TMEM87A: variants seen among roughly 807,000 people sequenced by gnomAD.
TMEM87A encodes the protein Golgi-pH regulating cation channel.
A neutral mutation model predicts 90.0 loss-of-function variants in TMEM87A; 50 were observed. The ratio of observed to expected loss-of-function variants is 0.56; its 90% CI spans 0.44 to 0.70. The LOEUF is 0.70. TMEM87A is among the 30% of genes least tolerant of loss of function. The pLI, the probability that TMEM87A is intolerant of heterozygous loss-of-function variation, is 0.00. For missense variants in TMEM87A, 577 were observed against 660.5 expected (o/e 0.87, Z 1.39); for synonymous variants, 226 against 226.7 (o/e 1.00, Z 0.03).
intron 7 of TMEM87A, among the ~76,000 whole-genome samples, chr15:42,240,273 G>T (rs1005284795): frequency 6.6e-6 from 1 of 151,858 alleles, no homozygotes; most frequent in South Asian, 2.1e-4. Flanking sequence ...TCGGAATGAA[G>T]GCATTGGAAA....
At chr15:42,236,246 T>C (rs78796885) in intron 10 of TMEM87A, 74 bp downstream of exon 10, 13,050 of 1,224,062 alleles carry the variant, frequency 0.011, 123 homozygotes, top group Non-Finnish European at 0.015. Context: ...AACTACTACA[T>C]TGGGAACATG....
chr15:42,219,408 T>C (rs1017995954), intron 17 of TMEM87A, among the ~76,000 whole-genome samples, 173 bp downstream of exon 17: 1 of 152,174 alleles, frequency 6.6e-6, no homozygotes, highest in East Asian at 1.9e-4. Flanking sequence ...TAGTTTGATG[T>C]ACTCTCACTT....
intron 15 of TMEM87A, among the ~76,000 whole-genome samples, chr15:42,225,063 T>A (rs1446535762): frequency 1.3e-5 from 2 of 152,240 alleles, no homozygotes; most frequent in Non-Finnish European, 2.9e-5. Context: ...ATTTCAGATC[T>A]CCTTTATTTT....
At chr15:42,234,143 G>A (rs2050734213) in intron 10 of TMEM87A, among the ~76,000 whole-genome samples, 2 of 151,992 alleles carry the variant, frequency 1.3e-5, no homozygotes, top group Non-Finnish European at 2.9e-5. Flanking sequence ...AAATTCTAAC[G>A]ATTCCTTAAT....
At chr15:42,222,531 A>C (rs977280196) in intron 15 of TMEM87A, among the ~76,000 whole-genome samples, 2 of 151,924 alleles carry the variant, frequency 1.3e-5, no homozygotes, top group African/African-American at 4.8e-5. Context: ...AGAATCAAGT[A>C]ATTCTTGGTG....
intron 14 of TMEM87A, among the ~76,000 whole-genome samples, chr15:42,227,371 A>C (rs2050613556): frequency 1.3e-5 from 2 of 152,200 alleles, no homozygotes; most frequent in Non-Finnish European, 2.9e-5. Context: ...TATTCAGATT[A>C]GTATTATTTA....
upstream of TMEM87A, chr15:42,273,572 C>T (rs966755067): frequency 7.1e-5 from 83 of 1,174,458 alleles, no homozygotes; most frequent in Admixed American, 9.4e-4. Context: ...CGCCGTGAGA[C>T]TTTGGACCTA....
intron 3 of TMEM87A, among the ~76,000 whole-genome samples, chr15:42,266,269 A>C (rs1205433104): frequency 6.6e-6 from 1 of 152,208 alleles, no homozygotes; most frequent in Non-Finnish European, 1.5e-5. Context: ...TAATCCCAGC[A>C]CTTTGGGAGA....
chr15:42,250,221 A>G (rs990363897), intron 6 of TMEM87A, among the ~76,000 whole-genome samples: 9 of 152,136 alleles, frequency 5.9e-5, no homozygotes, highest in African/African-American at 1.7e-4. Flanking sequence ...TCTTTATCCA[A>G]TTTGCCAGTC....
At chr15:42,271,867 AAAC>A (rs2051535582) in intron 2 of TMEM87A, among the ~76,000 whole-genome samples, 193 bp downstream of exon 2, 1 of 151,596 alleles carries the variant, frequency 6.6e-6, no homozygotes, top group South Asian at 2.1e-4. Flanking sequence ...AACACCAGAA[AAAC>A]AAGAGAAGAA....
At position 42,233,043 on chromosome 15, in the gene TMEM87A, T is replaced by C. The variant is rs1045187036; in HGVS notation, c.1062+170A>G. On this transcript the variant is annotated intron_variant, in intron 11 of 19. Coordinates refer to ENST00000389834, the MANE Select transcript of TMEM87A (RefSeq NM_015497.5). ...CGGGCACACACTAAATTTACAAAGC[T>C]CTAATAGATTTAAAAGAGAACATGA... is the stretch of plus-strand genomic sequence containing the variant. 11 of 447,512 alleles carry C rather than the reference T, an allele frequency of 2.5e-5. No individual in the cohort carries two copies. In the Admixed American group the frequency reaches 3.6e-4, roughly 15 times the overall value. The allele number at this position is 447,512 out of a possible 1,614,324, so 27.7% of individuals were successfully genotyped here.
At chr15:42,268,833 A>G (rs6493028) in intron 2 of TMEM87A, among the ~76,000 whole-genome samples, 143,109 of 152,100 alleles carry the variant, frequency 0.94, 67,877 homozygotes, top group Non-Finnish European at 1. Flanking sequence ...GCATGTCACA[A>G]GGCAATATTA....
chr15:42,234,407 G>A (rs1458818603), intron 10 of TMEM87A, among the ~76,000 whole-genome samples: 1 of 152,042 alleles, frequency 6.6e-6, no homozygotes, highest in Non-Finnish European at 1.5e-5. Context: ...TATATTTTTT[G>A]TTATACATTG....
In TMEM87A at chr15:42,233,305, G is replaced by A. The variant is rs754394938; in HGVS notation, c.970C>T (p.Pro324Ser). ...TTATGAAGAGTGACTCCAAGGCGTG[G>A]CCTAAAGAGGAAGCAAGGAGATATT... The part of the protein sequence containing the change: ...IVSLGYGIVK[P>S]RLGVTLHKVV... The change falls in exon 11 of 20, where the codon CCA becomes TCA. Residue 324 changes from proline to serine, a missense_variant and splice_region_variant. Transcript: ENST00000389834. The A allele has an allele frequency of 1.2e-6, 2 of 1,612,758 alleles. No individual in the cohort carries two copies. Among genetic ancestry groups the A allele is most frequent in the Admixed American group, 3.3e-5 (2 of 59,842 alleles).
chr15:42,264,699 A>ATATTTTTTTTTT (rs10681614), intron 3 of TMEM87A, among the ~76,000 whole-genome samples: 13 of 109,424 alleles, frequency 1.2e-4, no homozygotes, highest in Admixed American at 2.0e-4. Context: ...ATATATATAT[A>ATATTTTTTTTTT]TTTTTTTTTT....
At chr15:42,257,288 C>T (rs897767123) in intron 6 of TMEM87A, among the ~76,000 whole-genome samples, 3 of 151,810 alleles carry the variant, frequency 2.0e-5, no homozygotes, top group Non-Finnish European at 4.4e-5. Context: ...ATGAGTTATC[C>T]CTCTATTGGT....
At chr15:42,215,587 G>A (rs953041209) in intron 19 of TMEM87A, among the ~76,000 whole-genome samples, 8 of 152,094 alleles carry the variant, frequency 5.3e-5, no homozygotes, top group African/African-American at 1.9e-4. Flanking sequence ...GCCAGGGACT[G>A]GAAGAGACAT....
intron 18 of TMEM87A, 97 bp downstream of exon 18, chr15:42,218,226 C>T: frequency 8.5e-7 from 1 of 1,177,956 alleles, no homozygotes; most frequent in East Asian, 2.5e-5. Context: ...TTTTCAGTAT[C>T]TTGTATTTTC....
chr15:42,227,561 T>C, intron 14 of TMEM87A, 150 bp downstream of exon 14: 1 of 625,210 alleles, frequency 1.6e-6, no homozygotes. Context: ...ACAGAATACT[T>C]AGGAGGAGGG....
Sources: gnomAD v4.1 joint callset for allele counts (sites outside exome capture counted in the v4.1 genomes callset) on GRCh38, gnomAD v4.1.1 for gene constraint, MANE v1.5 for transcripts, NCBI Gene and HGNC (gene_info 2026-07-23, HGNC 2026-07-21) for gene names.